Variants in WDCP observed in about 807,000 individuals in gnomAD.
WDCP encodes WD repeat and coiled-coil-containing protein.
Under a neutral mutation model 41.6 loss-of-function variants are expected in WDCP, and 19 were observed. That is an observed-to-expected ratio of 0.46 (90% CI 0.32 to 0.67). The LOEUF is 0.67. Among genes scored for constraint, WDCP ranks in the 30% least tolerant of loss-of-function variants. The pLI is 0.04. For synonymous variants in WDCP, 302 were observed against 320.8 expected, an observed-to-expected ratio of 0.94 and a Z score of 0.63; for missense variants, 802 against 850.7, an observed-to-expected ratio of 0.94 and a Z score of 0.71.
chr2:24,037,754 G>C lies in WDCP; in HGVS notation c.1741C>G (p.Arg581Gly). The stretch of plus-strand genomic sequence containing the variant: ...GAGGATTTCTTCCCATTATGCAGAC[G>C]GTTTGTAAGTTCAGAAAGACACCGT... Reference protein sequence around the residue: ...MQRCLSELTNRLHNGKKSSSV... With the variant: ...MQRCLSELTNGLHNGKKSSSV... The change falls in exon 2 of 4, where the codon CGT becomes GGT. Residue 581 changes from arginine to glycine, a missense_variant. Coordinates refer to ENST00000295148, the MANE Select transcript of WDCP (RefSeq NM_025203.3). 6.2e-7 allele frequency: 1 copy of C among 1,614,148 alleles called. No individual in the cohort carries two copies. Among genetic ancestry groups the C allele is most frequent in the Non-Finnish European group, 8.5e-7 (1 of 1,180,016 alleles).
At chr2:24,047,094 T>A (rs1210011852) in intron 1 of WDCP, among the ~76,000 whole-genome samples, 1 of 152,100 alleles carries the variant, frequency 6.6e-6, no homozygotes, top group African/African-American at 2.4e-5. Context: ...AGGAGTGTTA[T>A]TCACGAGTCA....
chr2:24,046,579 G>A (rs1298144555), intron 1 of WDCP, among the ~76,000 whole-genome samples: 1 of 152,124 alleles, frequency 6.6e-6, no homozygotes, highest in African/African-American at 2.4e-5. Flanking sequence ...CTCATGACGA[G>A]AATCAAGGGA....
chr2:24,031,187 G>A, intron 3 of WDCP, 25 bp from the exon 4 acceptor site: 4 of 1,533,040 alleles, frequency 2.6e-6, no homozygotes, highest in South Asian at 1.1e-5. Context: ...AAATACACAG[G>A]CAATTTAGTA....
At chr2:24,041,972 C>T (rs1663456237) in intron 1 of WDCP, among the ~76,000 whole-genome samples, 1 of 150,596 alleles carries the variant, frequency 6.6e-6, no homozygotes, top group South Asian at 2.1e-4. Context: ...ATAAAAAATA[C>T]TATTTAATGT....
rs1348421425 is a variant in WDCP, at chr2:24,038,474, C to G, written c.1021G>C (p.Val341Leu). 6.2e-7 allele frequency: 1 copy of G among 1,614,198 alleles called. No individual in the cohort carries two copies. ...AGATTAAATGCTATCAGATCAGGAA[C>G]CAGAATGCCTGGAATAGTGACTTTT... ...TRKVTIPGIL[V>L]PDLIAFNLKA... The change falls in exon 2 of 4, where the codon GTT becomes CTT. Residue 341 changes from valine to leucine, a missense_variant. Physicochemically the swap from Val to Leu is conservative, Grantham distance 32 (BLOSUM62 1). This residue lies in a region of WDCP where 247 missense variants were observed against 240.5 expected (regional missense o/e 1.03). Coordinates refer to ENST00000295148, the MANE Select transcript of WDCP (RefSeq NM_025203.3).
intron 2 of WDCP, among the ~76,000 whole-genome samples, chr2:24,036,492 CTGT>C (rs1663260885): frequency 6.6e-6 from 1 of 152,106 alleles, no homozygotes; most frequent in Non-Finnish European, 1.5e-5. Flanking sequence ...TGATGATGCA[CTGT>C]TAAGTAAAAA....
At chr2:24,031,808 A>C (rs1663105462) in intron 3 of WDCP, among the ~76,000 whole-genome samples, 1 of 151,804 alleles carries the variant, frequency 6.6e-6, no homozygotes, top group Non-Finnish European at 1.5e-5. Context: ...CCTGGGTGAC[A>C]GAGTGAGACT....
At chr2:24,033,671 G>A (rs1003379372) in intron 2 of WDCP, among the ~76,000 whole-genome samples, 2 of 152,186 alleles carry the variant, frequency 1.3e-5, no homozygotes, top group East Asian at 1.9e-4. Flanking sequence ...AACCCAGGAG[G>A]CAAAGGTTGC....
Position 24,038,503 on chromosome 2 carries a change from G to A in WDCP, c.992C>T (p.Thr331Met), listed in dbSNP as rs201871067. 117 of 1,614,202 alleles carry A rather than the reference G, an allele frequency of 7.2e-5. 2 individuals are homozygous for A. The South Asian group carries it at 7.6e-4, about 10-fold the overall frequency. Residue 331 changes from threonine (T) to methionine (M), a missense_variant, in exon 2 of 4, where the codon ACG becomes ATG. This residue lies in a region of WDCP where 247 missense variants were observed against 240.5 expected (regional missense o/e 1.03). Transcript: ENST00000295148. The part of the protein sequence containing the change: ...LVTFKKAVTM[T>M]RKVTIPGILV... ...AATGCCTGGAATAGTGACTTTTCTCGTCATGGTAACTGCCTTCTTAAAGGT... is the reference window on the plus strand; with the variant it reads ...AATGCCTGGAATAGTGACTTTTCTCATCATGGTAACTGCCTTCTTAAAGGT...
rs776485759 is a variant in WDCP at position 24,038,874 on chromosome 2, G to A, written c.621C>T (p.Cys207=). 3 of 1,614,234 alleles carry A rather than the reference G, an allele frequency of 1.9e-6. No individual in the cohort carries two copies. In the Admixed American group the frequency reaches 5.0e-5, roughly 27 times the overall value. The stretch of plus-strand genomic sequence containing the variant: ...GTGAGTCCACAGTTGCTGTGATGGA[G>A]CAGACGTGGCTGTCCACATCAAACA... ...CLVFDVDSHV[C]SITATVDSQV... is the part of the protein sequence containing the mutation. Residue 207 remains cysteine, a synonymous_variant, in exon 2 of 4, where the codon TGC becomes TGT. Coordinates refer to ENST00000295148, the MANE Select transcript of WDCP (RefSeq NM_025203.3).
At chr2:24,034,755 G>A (rs1170018815) in intron 2 of WDCP, among the ~76,000 whole-genome samples, 2 of 151,632 alleles carry the variant, frequency 1.3e-5, no homozygotes, top group Admixed American at 6.6e-5. Flanking sequence ...TGTATTTTTC[G>A]GTAGAGACAG....
Position 24,030,938 on chromosome 2 carries a change from C to T in WDCP, c.2161G>A (p.Ala721Thr). The T allele has an allele frequency of 6.2e-7, 1 of 1,611,400 alleles. No homozygotes were observed. Among genetic ancestry groups the T allele is most frequent in the Non-Finnish European group, 8.5e-7 (1 of 1,177,628 alleles). ...CAGCAAGGACACTGCAGATATCAAGCCATGCCATCTACATGGTTACAACAG... is the reference window on the plus strand; with the variant it reads ...CAGCAAGGACACTGCAGATATCAAGTCATGCCATCTACATGGTTACAACAG... ...TGCCNHVDGM[A>T] Residue 721 changes from alanine (A) to threonine (T), a missense_variant, in exon 4 of 4, where the codon GCT (alanine) becomes ACT (threonine). Coordinates refer to ENST00000295148, the MANE Select transcript of WDCP (RefSeq NM_025203.3).
intron 1 of WDCP, among the ~76,000 whole-genome samples, chr2:24,042,832 G>C (rs544099271): frequency 6.6e-6 from 1 of 151,638 alleles, no homozygotes; most frequent in African/African-American, 2.4e-5. Context: ...TCAGGAGTTC[G>C]AGACCAGCCT....
At chr2:24,043,594 T>C (rs542689833) in intron 1 of WDCP, among the ~76,000 whole-genome samples, 1 of 152,212 alleles carries the variant, frequency 6.6e-6, no homozygotes, top group Non-Finnish European at 1.5e-5. Context: ...AAACTGGCAG[T>C]ACTCATATTT....
chr2:24,031,389 G>A (rs997874671), intron 3 of WDCP, among the ~76,000 whole-genome samples: 1 of 152,178 alleles, frequency 6.6e-6, no homozygotes, highest in Non-Finnish European at 1.5e-5. Flanking sequence ...TGTTCAATGT[G>A]GTGGCTACTG....
At chr2:24,040,171 T>C (rs1271222263) in intron 1 of WDCP, among the ~76,000 whole-genome samples, 1 of 152,142 alleles carries the variant, frequency 6.6e-6, no homozygotes, top group East Asian at 1.9e-4. Flanking sequence ...ATTATTTAAA[T>C]AAGCATGTTG....
intron 2 of WDCP, among the ~76,000 whole-genome samples, chr2:24,034,181 A>G (rs10194817): frequency 0.83 from 125,603 of 152,184 alleles, 52,447 homozygotes; most frequent in East Asian, 0.96. Context: ...AGAACTTTGG[A>G]AGGCCAAGGC....
chr2:24,032,315 C>G (rs1663119607), intron 3 of WDCP, among the ~76,000 whole-genome samples: 1 of 152,176 alleles, frequency 6.6e-6, no homozygotes, highest in Non-Finnish European at 1.5e-5. Flanking sequence ...TCAGCCTGGG[C>G]AACACAGTGA....
At position 24,038,783 on chromosome 2, in the gene WDCP, T is replaced by A. The variant is rs758382471; in HGVS notation, c.712A>T (p.Asn238Tyr). ...ATGTCTTTACTGTTAGGTGGGATAT[T>A]AAAGGTTTCAGATGCATTTAAGCCA... ...ICGLNASETF[N>Y]IPPNSKDMTP... is the part of the protein sequence containing the mutation. Residue 238 changes from asparagine to tyrosine, a missense_variant, in exon 2 of 4, where the codon AAT becomes TAT. Physicochemically the swap from Asn to Tyr is moderately radical, Grantham distance 143. This residue lies in a region of WDCP where 247 missense variants were observed against 240.5 expected (regional missense o/e 1.03). Coordinates refer to ENST00000295148, the MANE Select transcript of WDCP (RefSeq NM_025203.3). 3.7e-6 allele frequency: 6 copies of A among 1,614,194 alleles called. No individual in the cohort carries two copies. Among genetic ancestry groups the A allele is most frequent in the Non-Finnish European group, 5.1e-6 (6 of 1,180,040 alleles).
Sources: gnomAD v4.1 joint callset for allele counts (sites outside exome capture counted in the v4.1 genomes callset) on GRCh38, gnomAD v4.1.1 for gene constraint, gnomAD v4.1.1 regional missense constraint, MANE v1.5 for transcripts, NCBI Gene and HGNC (gene_info 2026-07-23, HGNC 2026-07-21) for gene names.